The following DACH1 variants were observed in gnomAD, a reference collection of about 807,000 sequenced individuals.
DACH1 encodes dachshund homolog 1.
Under a neutral mutation model 54.2 loss-of-function variants are expected in DACH1, and 12 were observed. That is an observed-to-expected ratio of 0.22 (90% CI 0.14 to 0.36). DACH1 has a LOEUF of 0.36. DACH1 is among the 10% of genes least tolerant of loss of function. The pLI, the probability that DACH1 is intolerant of heterozygous loss-of-function variation, is 1.00. For synonymous variants in DACH1, 386 were observed against 366.2 expected (o/e 1.05, Z -0.62); for missense variants, 805 against 929.8 (o/e 0.87, Z 1.75).
At chr13:71,528,451 T>C (rs1197531795) in intron 6 of DACH1, among the ~76,000 whole-genome samples, 1 of 120,734 alleles carries the variant, frequency 8.3e-6, no homozygotes, top group East Asian at 2.5e-4. Flanking sequence ...TTTTTGAGAC[T>C]GAGTCTCGCT....
At chr13:71,594,188 G>C (rs1370841480) in intron 3 of DACH1, among the ~76,000 whole-genome samples, 1 of 151,366 alleles carries the variant, frequency 6.6e-6, no homozygotes, top group Non-Finnish European at 1.5e-5. Flanking sequence ...TTTTTAGAAA[G>C]TCTTGGGATT....
intron 1 of DACH1, among the ~76,000 whole-genome samples, chr13:71,815,328 T>G (rs9599891): frequency 0.76 from 108,489 of 143,122 alleles, 42,978 homozygotes; most frequent in East Asian, 0.98. Context: ...AAAAAGGGGG[T>G]GGGCGGGGGG....
In DACH1 at chr13:71,867,177, T is replaced by A. The variant is rs1874891113; in HGVS notation, c.-408A>T. On this transcript the variant is annotated 5_prime_UTR_variant, in exon 1 of 11. Transcript: ENST00000613252. ...AAGGACTTGGGCTCTCCCTGGCAAGTACATTGATCAAAGATTGAGAGGGGA... is the reference window on the plus strand; with the variant it reads ...AAGGACTTGGGCTCTCCCTGGCAAGAACATTGATCAAAGATTGAGAGGGGA... The A allele has an allele frequency of 6.0e-6, 1 of 167,042 alleles. No homozygotes were observed. The highest frequency in any genetic ancestry group is 2.4e-5 in the African/African-American group (1 of 42,068). The allele number at this position is 167,042 out of a possible 1,614,324, so 10.3% of individuals were successfully genotyped here.
intron 1 of DACH1, among the ~76,000 whole-genome samples, chr13:71,763,745 TA>T (rs112266752): frequency 8.4e-4 from 128 of 152,338 alleles, no homozygotes; most frequent in African/African-American, 3.0e-3. Context: ...GTAAACCTTT[TA>T]ATCGATCATT....
chr13:71,756,078 A>G (rs1885135912), intron 1 of DACH1, among the ~76,000 whole-genome samples: 1 of 152,030 alleles, frequency 6.6e-6, no homozygotes, highest in South Asian at 2.1e-4. Flanking sequence ...TCGCCCAGAC[A>G]GGAGTGCGGT....
At chr13:71,713,260 A>G (rs969295770) in intron 1 of DACH1, among the ~76,000 whole-genome samples, 2 of 152,060 alleles carry the variant, frequency 1.3e-5, no homozygotes, top group African/African-American at 2.4e-5. Flanking sequence ...CAACAACCAT[A>G]TATGTTCCCT....
intron 7 of DACH1, among the ~76,000 whole-genome samples, chr13:71,481,972 G>T (rs1431280632): frequency 3.3e-5 from 5 of 152,154 alleles, no homozygotes; most frequent in African/African-American, 4.8e-5. Flanking sequence ...GCAAAAATGT[G>T]AATGACAAAA....
chr13:71,716,109 C>T (rs1177544719), intron 1 of DACH1, among the ~76,000 whole-genome samples: 1 of 151,918 alleles, frequency 6.6e-6, no homozygotes, highest in African/African-American at 2.4e-5. Context: ...AAAACCAGAG[C>T]CCAGAGAGTC....
intron 10 of DACH1, among the ~76,000 whole-genome samples, chr13:71,448,491 C>T (rs538533127): frequency 1.2e-3 from 179 of 152,300 alleles, no homozygotes; most frequent in South Asian, 4.8e-3. Flanking sequence ...CATAACCCCT[C>T]TTCTAAAACC....
At chr13:71,840,032 C>CTCACTGA (rs753040123) in intron 1 of DACH1, among the ~76,000 whole-genome samples, 9 of 152,100 alleles carry the variant, frequency 5.9e-5, no homozygotes, top group Non-Finnish European at 1.0e-4. Context: ...CTGCAACCTC[C>CTCACTGA]ACCTCCTCGG....
At chr13:71,792,480 G>A (rs923367313) in intron 1 of DACH1, among the ~76,000 whole-genome samples, 6 of 152,024 alleles carry the variant, frequency 3.9e-5, no homozygotes, top group African/African-American at 1.4e-4. Context: ...AAAGTCAAAG[G>A]ATACTTTTAG....
rs908949593 is a variant in DACH1, at chr13:71,866,247, T to C, written c.523A>G (p.Thr175Ala). The change falls in exon 1 of 11, where the codon ACC becomes GCC. Residue 175 changes from threonine (T) to alanine (A), a missense_variant. Thr to Ala is a moderately conservative substitution (Grantham distance 58). This residue lies in a region of DACH1 where 305 missense variants were observed against 308.7 expected (regional missense o/e 0.99). Transcript: ENST00000613252. ...GGGGTGTTTTCCACTGGGGACGGGG[T>C]TGAGTACACGGGTTTCCCGGGGAGG... ...GPLPGKPVYS[T>A]PSPVENTPQN... 2 of 1,610,044 alleles carry C rather than the reference T, an allele frequency of 1.2e-6. No individual in the cohort carries two copies. The highest frequency in any genetic ancestry group is 2.7e-5 in the African/African-American group (2 of 74,682).
intron 4 of DACH1, among the ~76,000 whole-genome samples, chr13:71,564,671 T>G (rs2138394774): frequency 6.6e-6 from 1 of 152,242 alleles, no homozygotes; most frequent in South Asian, 2.1e-4. Context: ...CACATGTGAT[T>G]AAACATTTTA....
intron 1 of DACH1, among the ~76,000 whole-genome samples, chr13:71,846,755 C>G (rs924307352): frequency 6.6e-6 from 1 of 152,196 alleles, no homozygotes; most frequent in African/African-American, 2.4e-5. Flanking sequence ...CAGGTACTAG[C>G]TGTCAAACCT....
At chr13:71,817,907 C>T (rs1170550294) in intron 1 of DACH1, among the ~76,000 whole-genome samples, 1 of 150,754 alleles carries the variant, frequency 6.6e-6, no homozygotes, top group African/African-American at 2.4e-5. Context: ...CTCTGCCTCC[C>T]AGGTTCAAGT....
At chr13:71,585,560 A>C (rs1873184398) in intron 3 of DACH1, among the ~76,000 whole-genome samples, 1 of 152,298 alleles carries the variant, frequency 6.6e-6, no homozygotes, top group South Asian at 2.1e-4. Context: ...TGGGCCATGC[A>C]GTGAGGCGAA....
intron 8 of DACH1, among the ~76,000 whole-genome samples, chr13:71,477,959 A>T (rs2138179700): frequency 6.6e-6 from 1 of 152,280 alleles, no homozygotes; most frequent in Non-Finnish European, 1.5e-5. Context: ...ACGAAAGAAA[A>T]CAGAATGTAA....
intron 10 of DACH1, among the ~76,000 whole-genome samples, chr13:71,459,102 T>G (rs2138134910): frequency 6.6e-6 from 1 of 152,074 alleles, no homozygotes; most frequent in African/African-American, 2.4e-5. Flanking sequence ...AAAAAGGTTT[T>G]ATGTCAGATA....
At chr13:71,735,920 G>T (rs914130649) in intron 1 of DACH1, among the ~76,000 whole-genome samples, 12 of 151,982 alleles carry the variant, frequency 7.9e-5, no homozygotes, top group African/African-American at 2.4e-4. Context: ...AAAATCAAAG[G>T]CACCCTGCAT....
Sources: gnomAD v4.1 joint callset for allele counts (sites outside exome capture counted in the v4.1 genomes callset) on GRCh38, gnomAD v4.1.1 for gene constraint, gnomAD v4.1.1 regional missense constraint, MANE v1.5 for transcripts, NCBI Gene and HGNC (gene_info 2026-07-23, HGNC 2026-07-21) for gene names.